URI1: variants seen among roughly 807,000 people sequenced by gnomAD.
The protein encoded by URI1 is unconventional prefoldin RPB5 interactor 1.
In URI1, 39 loss-of-function variants were observed where a neutral mutation model predicts 60.2. The observed-to-expected ratio is 0.65, with a 90% confidence interval of 0.50 to 0.85. The LOEUF (loss-of-function observed/expected upper bound fraction) is 0.85. Among genes scored for constraint, URI1 ranks in the 40% least tolerant of loss-of-function variants. URI1 has a pLI of 0.00. For missense variants in URI1, 691 were observed against 665.9 expected (o/e 1.04, Z -0.42); for synonymous variants, 251 against 236.8 (o/e 1.06, Z -0.55).
At chr19:29,986,230 A>G (rs938405265) in intron 3 of URI1, 52 bp from the exon 4 acceptor site, 8 of 1,478,102 alleles carry the variant, frequency 5.4e-6, no homozygotes, top group Non-Finnish European at 6.3e-6. Context: ...TATAAAATGT[A>G]CTTTTCAGTG....
chr19:29,948,898 C>T (rs1293892522), intron 1 of URI1, among the ~76,000 whole-genome samples: 1 of 152,158 alleles, frequency 6.6e-6, no homozygotes, highest in Middle Eastern at 3.2e-3. Flanking sequence ...GGAGTCCTCA[C>T]TTCCCAGAAG....
chr19:29,975,398 G>A (rs1200072166), intron 2 of URI1, among the ~76,000 whole-genome samples: 1 of 151,730 alleles, frequency 6.6e-6, no homozygotes, highest in African/African-American at 2.4e-5. Context: ...AATATTTAAT[G>A]AGACAATACA....
At position 29,971,241 on chromosome 19, in the gene URI1, G is replaced by A. The variant is rs746465675; in HGVS notation, c.152+14G>A. On this transcript the variant is annotated intron_variant, in intron 2 of 10. Coordinates refer to ENST00000392271, the MANE Select transcript of URI1 (RefSeq NM_003796.3). ...AATCCAGCATTGGTGAGTGAAAGAT[G>A]GTTTTATTACACTTCTGAAATACTG... The A allele has an allele frequency of 1.3e-5, 21 of 1,611,646 alleles. No homozygotes were observed. Among genetic ancestry groups the A allele is most frequent in the African/African-American group, 4.0e-5 (3 of 74,820 alleles).
At chr19:30,005,513 T>C (rs1223764233) in intron 5 of URI1, 61 bp downstream of exon 5, 1 of 1,492,856 alleles carries the variant, frequency 6.7e-7, no homozygotes, top group East Asian at 2.4e-5. Context: ...AATATGAAGC[T>C]ATCTTACAGC....
In URI1 at chr19:30,005,379, A is replaced by G. The variant is rs772118177; in HGVS notation, c.386A>G (p.Asp129Gly). The G allele has an allele frequency of 1.9e-6, 3 of 1,595,500 alleles. No homozygotes were observed. The highest frequency in any genetic ancestry group is 2.3e-5 in the South Asian group (2 of 87,964). Residue 129 changes from aspartate (D) to glycine (G), a missense_variant, in exon 5 of 11, where the codon GAT becomes GGT. Coordinates refer to ENST00000392271, the MANE Select transcript of URI1 (RefSeq NM_003796.3). ...HRKEHVRKTI[D>G]DLKKVMKNFE... ...GTTTCAGATGTAAGAAAAACAATAG[A>G]TGACTTAAAAAAAGTGATGAAAAAT...
intron 1 of URI1, among the ~76,000 whole-genome samples, chr19:29,946,807 A>G (rs1351028879): frequency 1.3e-5 from 2 of 152,252 alleles, no homozygotes; most frequent in Non-Finnish European, 1.5e-5. Flanking sequence ...ACAAATATTT[A>G]ATGAGTATCT....
intron 3 of URI1, 65 bp downstream of exon 3, chr19:29,985,366 G>A: frequency 2.9e-6 from 4 of 1,384,134 alleles, no homozygotes; most frequent in Non-Finnish European, 3.1e-6. Flanking sequence ...CTATGTGTCG[G>A]TTCACAGAAT....
chr19:29,957,090 G>T, intron 1 of URI1: 1 of 485,552 alleles, frequency 2.1e-6, no homozygotes, highest in Non-Finnish European at 3.7e-6. Context: ...TAATTCTTTT[G>T]GATTTATCAG....
At chr19:29,962,814 A>G (rs1188167991) in intron 1 of URI1, among the ~76,000 whole-genome samples, 1 of 152,172 alleles carries the variant, frequency 6.6e-6, no homozygotes, top group Non-Finnish European at 1.5e-5. Context: ...CTGCTGGTGC[A>G]GAATTCTGTT....
intron 4 of URI1, among the ~76,000 whole-genome samples, chr19:29,993,860 C>G (rs914758173): frequency 6.6e-6 from 1 of 152,152 alleles, no homozygotes; most frequent in Non-Finnish European, 1.5e-5. Flanking sequence ...CTTATGCATT[C>G]CTACCCCACC....
Position 30,012,455 on chromosome 19 carries a change from A to G in URI1, c.1349A>G (p.Asp450Gly). 1 of 1,614,204 alleles carries G rather than the reference A, an allele frequency of 6.2e-7. No individual in the cohort carries two copies. The highest frequency in any genetic ancestry group is 8.5e-7 in the Non-Finnish European group (1 of 1,180,022). Residue 450 changes from aspartate (D) to glycine (G), a missense_variant, in exon 10 of 11, where the codon GAC becomes GGC. By Grantham distance (94) the Asp-to-Gly change is moderately conservative. Coordinates refer to ENST00000392271, the MANE Select transcript of URI1 (RefSeq NM_003796.3). ...AGCTGCGAAGAAGCCACTTGCAGTG[A>G]CACCAGTGAGAGCATTTTGGAAGAG... is the stretch of plus-strand genomic sequence containing the variant. ...SISCEEATCS[D>G]TSESILEEEP...
At chr19:29,956,972 C>T in intron 1 of URI1, 1 of 875,294 alleles carries the variant, frequency 1.1e-6, no homozygotes, top group South Asian at 1.4e-5. Context: ...AGTCTGATTG[C>T]TGAGAATGGT....
intron 1 of URI1, among the ~76,000 whole-genome samples, chr19:29,934,760 T>C (rs1419078009): frequency 6.6e-6 from 1 of 152,188 alleles, no homozygotes; most frequent in Non-Finnish European, 1.5e-5. Context: ...TCTCACTATG[T>C]TGCTCAGGAT....
At chr19:29,989,833 A>T (rs2055723649) in intron 4 of URI1, among the ~76,000 whole-genome samples, 1 of 151,228 alleles carries the variant, frequency 6.6e-6, no homozygotes, top group Admixed American at 6.6e-5. Flanking sequence ...ATTTTCTCCC[A>T]CTTTGCATCT....
At chr19:29,995,584 C>T (rs1051590447) in intron 4 of URI1, among the ~76,000 whole-genome samples, 1 of 150,984 alleles carries the variant, frequency 6.6e-6, no homozygotes, top group African/African-American at 2.4e-5. Flanking sequence ...GTAGAGTGCC[C>T]TTTTACTTTC....
Position 30,015,662 on chromosome 19 carries a change from A to G in URI1, c.*593A>G, listed in dbSNP as rs1053705204. 1 of 1,394,666 alleles carries G rather than the reference A, an allele frequency of 7.2e-7. No individual in the cohort carries two copies. The highest frequency in any genetic ancestry group is 1.5e-5 in the African/African-American group (1 of 68,310). The allele number at this position is 1,394,666 out of a possible 1,614,324, so 86.4% of individuals were successfully genotyped here. ...AAATTTCTTTGGAAAGATATTTTGT[A>G]AAACTTTTTTTTCCAAGTAAAAACT... On this transcript the variant is annotated 3_prime_UTR_variant, in exon 11 of 11. Coordinates refer to ENST00000392271, the MANE Select transcript of URI1 (RefSeq NM_003796.3).
intron 1 of URI1, among the ~76,000 whole-genome samples, chr19:29,968,725 C>T (rs1393248955): frequency 6.6e-6 from 1 of 151,454 alleles, no homozygotes; most frequent in Non-Finnish European, 1.5e-5. Flanking sequence ...GCACCTGCCA[C>T]CATGCCCGGC....
intron 2 of URI1, among the ~76,000 whole-genome samples, chr19:29,975,613 C>T (rs1031712068): frequency 9.9e-5 from 15 of 151,580 alleles, no homozygotes; most frequent in African/African-American, 3.6e-4. Context: ...AAGCTATTCT[C>T]CTGACTCAGC....
chr19:29,982,029 T>G (rs1309583995), intron 2 of URI1, among the ~76,000 whole-genome samples: 2 of 152,180 alleles, frequency 1.3e-5, no homozygotes, highest in Non-Finnish European at 2.9e-5. Context: ...GAGATACTAT[T>G]TGGAGATCAC....
Sources: gnomAD v4.1 joint callset for allele counts (sites outside exome capture counted in the v4.1 genomes callset) on GRCh38, gnomAD v4.1.1 for gene constraint, MANE v1.5 for transcripts, NCBI Gene and HGNC (gene_info 2026-07-23, HGNC 2026-07-21) for gene names.